DPP10: variants seen among roughly 807,000 people sequenced by gnomAD.
DPP10 encodes dipeptidyl peptidase like 10, also known as inactive dipeptidyl peptidase 10.
DPP10 carries 33 observed loss-of-function variants against 120.9 expected under a neutral mutation model. The observed-to-expected ratio is 0.27, with a 90% CI of 0.21 to 0.37. The LOEUF (loss-of-function observed/expected upper bound fraction) is 0.37, where lower values mean the gene tolerates loss of function less well. Among genes scored for constraint, DPP10 ranks in the 10% least tolerant of loss-of-function variants. The pLI is 1.00. For missense variants in DPP10, 816 were observed against 942.8 expected, an observed-to-expected ratio of 0.87 and a Z score of 1.76; for synonymous variants, 337 against 326.1, an observed-to-expected ratio of 1.03 and a Z score of -0.36.
chr2:115,170,420 T>C (rs1219722524), intron 1 of DPP10, among the ~76,000 whole-genome samples: 1 of 152,146 alleles, frequency 6.6e-6, no homozygotes, highest in Non-Finnish European at 1.5e-5. Context: ...ATATATCTTT[T>C]TGAGAGGAAA....
At chr2:115,212,760 G>A (rs1251462171) in intron 1 of DPP10, among the ~76,000 whole-genome samples, 1 of 152,078 alleles carries the variant, frequency 6.6e-6, no homozygotes, top group East Asian at 1.9e-4. Context: ...ACTTGCATCA[G>A]TATATGTGTA....
At chr2:115,805,910 G>A (rs528353086) in intron 19 of DPP10, among the ~76,000 whole-genome samples, 5 of 152,164 alleles carry the variant, frequency 3.3e-5, no homozygotes, top group South Asian at 2.1e-4. Flanking sequence ...TACTCTCACC[G>A]CATTATGATT....
intron 1 of DPP10, among the ~76,000 whole-genome samples, chr2:114,734,153 G>T (rs1677196668): frequency 6.6e-6 from 1 of 152,036 alleles, no homozygotes; most frequent in South Asian, 2.1e-4. Context: ...CTTGAAATTG[G>T]CCTGCAAAGT....
chr2:114,706,894 T>C (rs958023580), intron 1 of DPP10, among the ~76,000 whole-genome samples: 4 of 152,142 alleles, frequency 2.6e-5, no homozygotes, highest in African/African-American at 9.7e-5. Context: ...TGTGAAAATA[T>C]GTTGGAACTT....
intron 1 of DPP10, among the ~76,000 whole-genome samples, chr2:114,721,335 C>T (rs72830374): frequency 0.013 from 1,951 of 152,254 alleles, 16 homozygotes; most frequent in Middle Eastern, 0.034. Context: ...CAAAGTTGAC[C>T]GCTTCCAAAA....
chr2:114,855,704 T>C (rs555284105), intron 1 of DPP10, among the ~76,000 whole-genome samples: 95 of 152,296 alleles, frequency 6.2e-4, no homozygotes, highest in Non-Finnish European at 1.1e-3. Context: ...TACCAAAAGA[T>C]CAGCAACTTA....
At chr2:115,765,227 G>C (rs1680575667) in intron 12 of DPP10, among the ~76,000 whole-genome samples, 1 of 152,032 alleles carries the variant, frequency 6.6e-6, no homozygotes, top group African/African-American at 2.4e-5. Context: ...AACTGGGGAG[G>C]AGGCAATGTA....
intron 8 of DPP10, among the ~76,000 whole-genome samples, chr2:115,731,532 A>G (rs1163692452): frequency 6.6e-6 from 1 of 152,136 alleles, no homozygotes; most frequent in Non-Finnish European, 1.5e-5. Context: ...GTCTCAAAAG[A>G]AAAAATTTAA....
At chr2:114,903,732 C>G (rs1195642804) in intron 1 of DPP10, among the ~76,000 whole-genome samples, 1 of 152,150 alleles carries the variant, frequency 6.6e-6, no homozygotes, top group African/African-American at 2.4e-5. Context: ...GTTATTAAAA[C>G]AAACTGTGAT....
At chr2:114,943,568 G>A (rs67362876) in intron 1 of DPP10, among the ~76,000 whole-genome samples, 31,863 of 152,038 alleles carry the variant, frequency 0.21, 3,579 homozygotes, top group Middle Eastern at 0.36. Context: ...CACCATACCC[G>A]GCCATGTGCC....
intron 1 of DPP10, among the ~76,000 whole-genome samples, chr2:115,078,845 C>G (rs1179678390): frequency 6.6e-6 from 1 of 151,982 alleles, no homozygotes; most frequent in South Asian, 2.1e-4. Flanking sequence ...TTAAATTGCT[C>G]AAAGAGTAAC....
chr2:115,796,633 G>A (rs1465761026), intron 19 of DPP10, among the ~76,000 whole-genome samples: 7 of 152,050 alleles, frequency 4.6e-5, no homozygotes, highest in Admixed American at 3.9e-4. Context: ...TTTCTGGATA[G>A]GGCTGAATAT....
intron 7 of DPP10, among the ~76,000 whole-genome samples, chr2:115,722,884 C>T (rs944602609): frequency 8.5e-5 from 13 of 152,218 alleles, no homozygotes; most frequent in East Asian, 5.8e-4. Flanking sequence ...CAAACAGTGT[C>T]GTAAAGGCTG....
intron 5 of DPP10, among the ~76,000 whole-genome samples, chr2:115,577,954 A>G (rs533028134): frequency 6.6e-6 from 1 of 152,350 alleles, no homozygotes; most frequent in South Asian, 2.1e-4. Context: ...GACACAATTC[A>G]GCTCATAACA....
chr2:114,984,260 T>C (rs1230718118), intron 1 of DPP10, among the ~76,000 whole-genome samples: 2 of 152,180 alleles, frequency 1.3e-5, no homozygotes, highest in Non-Finnish European at 2.9e-5. Flanking sequence ...GATACATTTT[T>C]TCTCATCAAA....
Position 115,224,169 on chromosome 2 carries a change from C to T in DPP10, c.61-85070C>T, listed in dbSNP as rs77238397. Among the ~76,000 whole-genome samples the T allele has an allele frequency of 1.1e-4, 16 of 152,090 alleles. No individual in the cohort carries two copies. In the East Asian group the frequency reaches 2.7e-3, roughly 26 times the overall value. On this transcript the variant is annotated intron_variant, in intron 1 of 25. Coordinates refer to ENST00000410059, the MANE Select transcript of DPP10 (RefSeq NM_020868.6). ...ACAACTGTGAAAACATTCTTAAAAG[C>T]CTCATCTTAAGGAAGTGTGCAAAGT...
chr2:115,124,549 C>T (rs557891166), intron 1 of DPP10, among the ~76,000 whole-genome samples: 52 of 152,278 alleles, frequency 3.4e-4, no homozygotes, highest in Non-Finnish European at 6.2e-4. Flanking sequence ...TCTTCAGAAA[C>T]CAACTTGAAG....
At chr2:115,517,086 C>T (rs995386870) in intron 4 of DPP10, among the ~76,000 whole-genome samples, 7 of 152,138 alleles carry the variant, frequency 4.6e-5, no homozygotes, top group Admixed American at 4.6e-4. Context: ...CTTTCACATG[C>T]CCTGTAATCT....
At chr2:114,629,274 G>A (rs1355412008) in intron 1 of DPP10, among the ~76,000 whole-genome samples, 4 of 152,110 alleles carry the variant, frequency 2.6e-5, no homozygotes, top group Admixed American at 6.6e-5. Context: ...CTCTGCCTTC[G>A]CTGAATTGAC....
Sources: allele counts gnomAD v4.1 joint callset (sites outside exome capture counted in the v4.1 genomes callset), GRCh38; gene constraint gnomAD v4.1.1; transcripts MANE v1.5; gene names NCBI Gene and HGNC (gene_info 2026-07-23, HGNC 2026-07-21).